RANBP2: variants seen among roughly 807,000 people sequenced by gnomAD.
The protein encoded by RANBP2 is RAN binding protein 2.
Under a neutral mutation model 303.6 loss-of-function variants are expected in RANBP2, and 57 were observed. The observed-to-expected ratio is 0.19, with a 90% CI of 0.15 to 0.23. The LOEUF (loss-of-function observed/expected upper bound fraction) is 0.23. Among genes scored for constraint, RANBP2 ranks in the 10% least tolerant of loss-of-function variants. The pLI, the probability that RANBP2 is intolerant of heterozygous loss-of-function variation, is 1.00. For synonymous variants in RANBP2, 1,167 were observed against 1,301.5 expected (o/e 0.90, Z 2.23); for missense variants, 3,138 against 3,780.8 (o/e 0.83, Z 4.46).
the RANBP2 span, among the ~76,000 whole-genome samples, chr2:109,717,272 C>CAAAAAA: frequency 8.0e-6 from 1 of 124,792 alleles, no homozygotes. Flanking sequence ...AAAAACAAAC[C>CAAAAAA]AAAAAAAAAA....
At chr2:109,710,108 G>C in the RANBP2 span, among the ~76,000 whole-genome samples, 1 of 148,428 alleles carries the variant, frequency 6.7e-6, no homozygotes, top group Non-Finnish European at 1.5e-5. Context: ...AAAGCCAGGT[G>C]TGGTCGCTCA....
rs1678454715 is a variant in RANBP2 at position 108,784,179 on chromosome 2, G to C, written c.*278G>C. On this transcript the variant is annotated 3_prime_UTR_variant, in exon 29 of 29. Transcript: ENST00000283195. ...AATACTAATCTTGTTAAAAGCAATA[G>C]ACCTCAAACTATTGAAGGAATATGA... The C allele has an allele frequency of 5.9e-6, 2 of 336,416 alleles. No individual in the cohort carries two copies. Among genetic ancestry groups the C allele is most frequent in the African/African-American group, 4.2e-5 (2 of 47,610 alleles). 20.8% of individuals were successfully genotyped at this position (336,416 alleles called of 1,614,324 possible).
the RANBP2 span, among the ~76,000 whole-genome samples, chr2:109,063,268 C>A: frequency 3.3e-5 from 5 of 152,204 alleles, no homozygotes; most frequent in Non-Finnish European, 5.9e-5. Context: ...ACTCCTGGGG[C>A]TTTTGATCTT....
the RANBP2 span, among the ~76,000 whole-genome samples, chr2:108,842,971 G>A: frequency 6.6e-6 from 1 of 152,236 alleles, no homozygotes; most frequent in Non-Finnish European, 1.5e-5. Context: ...ATTAGAGAAT[G>A]TTACCATTTT....
the RANBP2 span, among the ~76,000 whole-genome samples, chr2:109,352,368 T>C: frequency 0.013 from 1,913 of 152,284 alleles, 41 homozygotes; most frequent in African/African-American, 0.039. Context: ...GCTTTTACTT[T>C]CCTGGTGGCT....
chr2:109,223,790 A>C, the RANBP2 span, among the ~76,000 whole-genome samples: 1 of 152,194 alleles, frequency 6.6e-6, no homozygotes. Flanking sequence ...TGCTCCTGGC[A>C]CATGAAAGTG....
At chr2:109,732,717 C>T in the RANBP2 span, 2 of 623,922 alleles carry the variant, frequency 3.2e-6, no homozygotes, top group Admixed American at 1.8e-5. Context: ...ATCCGCCCGC[C>T]TTGGTTTATG....
At chr2:109,329,079 G>T in the RANBP2 span, among the ~76,000 whole-genome samples, 1 of 152,006 alleles carries the variant, frequency 6.6e-6, no homozygotes, top group Non-Finnish European at 1.5e-5. Flanking sequence ...ATTTCTTCTG[G>T]GAATATTTAT....
chr2:109,649,615 C>G, the RANBP2 span, among the ~76,000 whole-genome samples: 1 of 152,234 alleles, frequency 6.6e-6, no homozygotes, highest in African/African-American at 2.4e-5. Flanking sequence ...CCAGACTGGT[C>G]TCAAACTCCT....
the RANBP2 span, among the ~76,000 whole-genome samples, chr2:109,038,966 G>T: frequency 6.6e-6 from 1 of 152,210 alleles, no homozygotes; most frequent in Admixed American, 6.5e-5. Context: ...AATTGGCTAG[G>T]CTATGGTATC....
chr2:108,823,428 C>T, the RANBP2 span, among the ~76,000 whole-genome samples: 1 of 152,226 alleles, frequency 6.6e-6, no homozygotes, highest in African/African-American at 2.4e-5. Flanking sequence ...TCATGTGTTG[C>T]TTAACAATAG....
At chr2:109,219,115 CTTTGTG>C in the RANBP2 span, among the ~76,000 whole-genome samples, 1 of 152,174 alleles carries the variant, frequency 6.6e-6, no homozygotes, top group Admixed American at 6.5e-5. Context: ...ACATGACTGG[CTTTGTG>C]GAGTTCCACC....
chr2:109,255,573 C>T, the RANBP2 span, among the ~76,000 whole-genome samples: 1 of 152,210 alleles, frequency 6.6e-6, no homozygotes, highest in Non-Finnish European at 1.5e-5. Flanking sequence ...AGGTTGCTAT[C>T]ACCTCTATAA....
At chr2:108,893,797 C>G in the RANBP2 span, among the ~76,000 whole-genome samples, 1 of 152,162 alleles carries the variant, frequency 6.6e-6, no homozygotes, top group Non-Finnish European at 1.5e-5. Context: ...ACTGGCACCA[C>G]CCTTATTATC....
At chr2:109,388,870 G>A in the RANBP2 span, among the ~76,000 whole-genome samples, 34 of 152,274 alleles carry the variant, frequency 2.2e-4, no homozygotes, top group African/African-American at 8.2e-4. Context: ...GAGGGAAGGA[G>A]GAAATGCTTG....
the RANBP2 span, among the ~76,000 whole-genome samples, chr2:108,874,285 T>C: frequency 6.6e-6 from 1 of 152,184 alleles, no homozygotes; most frequent in East Asian, 1.9e-4. Flanking sequence ...TTTAGTAAAC[T>C]CTTATGGACT....
At chr2:108,859,636 C>A in the RANBP2 span, among the ~76,000 whole-genome samples, 1 of 151,990 alleles carries the variant, frequency 6.6e-6, no homozygotes, top group African/African-American at 2.4e-5. Flanking sequence ...ATTTCAGTTT[C>A]TCTATTCTGT....
the RANBP2 span, among the ~76,000 whole-genome samples, chr2:109,580,910 A>G: frequency 6.6e-6 from 1 of 152,220 alleles, no homozygotes. Context: ...AAACCCAGAC[A>G]GGAGTTCAAG....
At chr2:109,145,451 C>T in the RANBP2 span, among the ~76,000 whole-genome samples, 3 of 152,176 alleles carry the variant, frequency 2.0e-5, no homozygotes, top group South Asian at 2.1e-4. Flanking sequence ...GTCGCCTTCA[C>T]CATTGGTCTG....
Sources: allele counts gnomAD v4.1 joint callset (sites outside exome capture counted in the v4.1 genomes callset), GRCh38; gene constraint gnomAD v4.1.1; transcripts MANE v1.5; gene names NCBI Gene and HGNC (gene_info 2026-07-23, HGNC 2026-07-21).